SETBP1: variants seen among roughly 807,000 people sequenced by gnomAD.
SETBP1 encodes SET-binding protein.
In SETBP1, 9 loss-of-function variants were observed where a neutral mutation model predicts 101.0. That is an observed-to-expected ratio of 0.09 (90% CI 0.05 to 0.16). The LOEUF (loss-of-function observed/expected upper bound fraction) is 0.16, where lower values mean the gene tolerates loss of function less well. Among genes scored for constraint, SETBP1 ranks in the 10% least tolerant of loss-of-function variants. The probability of loss-of-function intolerance (pLI) is 1.00; values close to 1 mark genes in which losing one functional copy is unlikely to be tolerated. For missense variants in SETBP1, 1,858 were observed against 2,033.8 expected (o/e 0.91, Z 1.66); for synonymous variants, 818 against 788.5 (o/e 1.04, Z -0.63).
At chr18:44,687,923 T>A (rs1252372563) in intron 1 of SETBP1, among the ~76,000 whole-genome samples, 1 of 152,156 alleles carries the variant, frequency 6.6e-6, no homozygotes, top group Middle Eastern at 3.2e-3. Context: ...CAATAATAGC[T>A]AATGGGTTGG....
rs187433533 is a variant in SETBP1, at chr18:44,950,617, C to A, written c.1277C>A (p.Ala426Glu). ...HKRKKRQSIKAVVEKIMPEKA... is the reference protein window; with the variant it reads ...HKRKKRQSIKEVVEKIMPEKA... ...AGGAAAAAAAGACAGTCCATTAAAG[C>A]GGTGGTGGAAAAGATCATGCCAGAG... is the stretch of plus-strand genomic sequence containing the variant. The change falls in exon 4 of 6, where the codon GCG becomes GAG. Residue 426 changes from alanine to glutamate, a missense_variant. By Grantham distance (107) the Ala-to-Glu change is moderately radical. This residue lies in a region of SETBP1 where 581 missense variants were observed against 535.1 expected (regional missense o/e 1.09). Transcript: ENST00000649279. 4.0e-5 allele frequency: 65 copies of A among 1,613,942 alleles called. No homozygotes were observed. The South Asian group carries it at 6.1e-4, about 15-fold the overall frequency.
At chr18:44,875,764 A>G (rs1289553095) in intron 3 of SETBP1, among the ~76,000 whole-genome samples, 1 of 152,166 alleles carries the variant, frequency 6.6e-6, no homozygotes, top group Admixed American at 6.5e-5. Context: ...TAGGAACATT[A>G]GCCCCATTTT....
intron 3 of SETBP1, among the ~76,000 whole-genome samples, chr18:44,923,672 T>G (rs1320372872): frequency 6.6e-6 from 1 of 152,240 alleles, no homozygotes; most frequent in Non-Finnish European, 1.5e-5. Flanking sequence ...AGCTTCAGCA[T>G]TGAACATTAA....
chr18:44,925,007 G>GTTTTGTTTTTTTTTTTTTTTTTTTTTT (rs1555700996), intron 3 of SETBP1, among the ~76,000 whole-genome samples: 1 of 45,970 alleles, frequency 2.2e-5, no homozygotes, highest in Admixed American at 2.4e-4. Flanking sequence ...TCCTGTGTGA[G>GTTTTGTTTTTTTTTTTTTTTTTTTTTT]TTTTTTTTTT....
chr18:44,845,030 G>T (rs181576724), intron 2 of SETBP1, among the ~76,000 whole-genome samples: 1 of 152,186 alleles, frequency 6.6e-6, no homozygotes, highest in Non-Finnish European at 1.5e-5. Context: ...GTGAGGAAGA[G>T]TTTTTGTTGT....
At chr18:44,731,639 C>T (rs75739516) in intron 2 of SETBP1, among the ~76,000 whole-genome samples, 9,130 of 152,060 alleles carry the variant, frequency 0.06, 357 homozygotes, top group East Asian at 0.13. Flanking sequence ...TTTACACACA[C>T]ACACACACAC....
intron 5 of SETBP1, among the ~76,000 whole-genome samples, chr18:45,047,673 A>G (rs1853915709): frequency 1.3e-5 from 2 of 152,210 alleles, no homozygotes; most frequent in Non-Finnish European, 1.5e-5. Flanking sequence ...TCATTGCTGC[A>G]GAAATGGTCT....
At chr18:44,786,595 AT>A (rs2071243443) in intron 2 of SETBP1, among the ~76,000 whole-genome samples, 1 of 152,246 alleles carries the variant, frequency 6.6e-6, no homozygotes. Flanking sequence ...GAAGGGAAAG[AT>A]TCCATGTAGG....
At chr18:44,979,902 C>T (rs2072073998) in intron 4 of SETBP1, among the ~76,000 whole-genome samples, 1 of 152,188 alleles carries the variant, frequency 6.6e-6, no homozygotes, top group African/African-American at 2.4e-5. Flanking sequence ...AAAGCAGTTC[C>T]TTCTTAATAA....
intron 3 of SETBP1, among the ~76,000 whole-genome samples, chr18:44,903,891 G>A (rs771964102): frequency 1.4e-4 from 21 of 152,100 alleles, no homozygotes; most frequent in Admixed American, 1.3e-4. Context: ...TTGCTCATTT[G>A]ATAGTCTGAT....
chr18:45,035,660 A>G (rs577406564), intron 4 of SETBP1, among the ~76,000 whole-genome samples: 1 of 152,378 alleles, frequency 6.6e-6, no homozygotes, highest in South Asian at 2.1e-4. Context: ...CAAGCATAGC[A>G]TAATTTAAAC....
intron 4 of SETBP1, among the ~76,000 whole-genome samples, chr18:44,993,682 C>T (rs2072430072): frequency 6.6e-6 from 1 of 151,788 alleles, no homozygotes; most frequent in African/African-American, 2.4e-5. Context: ...TATCAATTTT[C>T]CTCAAATTTA....
At chr18:44,713,751 C>T (rs2069396915) in intron 2 of SETBP1, among the ~76,000 whole-genome samples, 1 of 152,222 alleles carries the variant, frequency 6.6e-6, no homozygotes, top group Admixed American at 6.5e-5. Context: ...GCTACTTTTG[C>T]TGTACAAATT....
chr18:44,911,464 T>C (rs558882755), intron 3 of SETBP1, among the ~76,000 whole-genome samples: 1 of 152,280 alleles, frequency 6.6e-6, no homozygotes, highest in East Asian at 1.9e-4. Flanking sequence ...TGAAATGACC[T>C]CCAAAGTCAC....
In SETBP1 at chr18:45,054,465, C is replaced by T. The variant is rs144236294; in HGVS notation, c.4172-8614C>T. 1.8e-3 allele frequency among the ~76,000 whole-genome samples: 277 copies of T among 152,274 alleles called. 3 individuals carry two copies. The highest frequency in any genetic ancestry group is 6.3e-3 in the African/African-American group (264 of 41,578). On this transcript the variant is annotated intron_variant, in intron 5 of 5. Transcript: ENST00000649279. ...CCTCCCAAAGTGCTGGGATTACAGGCGTGAGCCACCGTGCCCAGCTGACTA... is the reference window on the plus strand; with the variant it reads ...CCTCCCAAAGTGCTGGGATTACAGGTGTGAGCCACCGTGCCCAGCTGACTA...
At chr18:45,029,011 T>C (rs896029646) in intron 4 of SETBP1, among the ~76,000 whole-genome samples, 10 of 152,334 alleles carry the variant, frequency 6.6e-5, no homozygotes, top group South Asian at 6.2e-4. Flanking sequence ...AGCTCTTTAG[T>C]TTAATTAGAT....
At chr18:44,817,434 C>A (rs1050377943) in intron 2 of SETBP1, among the ~76,000 whole-genome samples, 3 of 152,084 alleles carry the variant, frequency 2.0e-5, no homozygotes, top group African/African-American at 7.2e-5. Context: ...CCCTGTAATC[C>A]CAGCACTTTG....
intron 1 of SETBP1, among the ~76,000 whole-genome samples, chr18:44,696,520 T>A (rs1451623512): frequency 6.6e-6 from 1 of 152,194 alleles, no homozygotes; most frequent in Non-Finnish European, 1.5e-5. Flanking sequence ...GGAAAAATAT[T>A]CTATCTAGCA....
intron 4 of SETBP1, among the ~76,000 whole-genome samples, chr18:45,035,144 T>A (rs1341090787): frequency 1.3e-5 from 2 of 152,282 alleles, no homozygotes; most frequent in Non-Finnish European, 2.9e-5. Context: ...ACCTCTGCCC[T>A]CAGATAGATT....
Sources: allele counts gnomAD v4.1 joint callset (sites outside exome capture counted in the v4.1 genomes callset), GRCh38; gene constraint gnomAD v4.1.1; regional missense constraint gnomAD v4.1.1; transcripts MANE v1.5; gene names NCBI Gene and HGNC (gene_info 2026-07-23, HGNC 2026-07-21).